Variants in PRRC2B observed in about 807,000 individuals in gnomAD.
PRRC2B encodes protein PRRC2B.
PRRC2B carries 68 observed loss-of-function variants against 242.3 expected under a neutral mutation model. The observed-to-expected ratio is 0.28, with a 90% CI of 0.23 to 0.34. The LOEUF (loss-of-function observed/expected upper bound fraction) is 0.34, where lower values mean the gene tolerates loss of function less well. Among genes scored for constraint, PRRC2B ranks in the 10% least tolerant of loss-of-function variants. The pLI, the probability that PRRC2B is intolerant of heterozygous loss-of-function variation, is 1.00. For missense variants in PRRC2B, 2,835 were observed against 2,954.8 expected, an observed-to-expected ratio of 0.96 and a Z score of 0.94; for synonymous variants, 1,228 against 1,173.6, an observed-to-expected ratio of 1.05 and a Z score of -0.95.
chr9:131,483,576 C>T, intron 23 of PRRC2B, 131 bp downstream of exon 23: 1 of 778,300 alleles, frequency 1.3e-6, no homozygotes, highest in South Asian at 1.5e-5. Context: ...GCTCCATGTC[C>T]TTAAAAGGTG....
At chr9:131,398,333 G>A (rs533751136) in intron 1 of PRRC2B, among the ~76,000 whole-genome samples, 31 of 152,358 alleles carry the variant, frequency 2.0e-4, no homozygotes, top group Non-Finnish European at 2.8e-4. Context: ...TTGGTTTTCT[G>A]TGTGACCTGA....
At chr9:131,462,264 G>A (rs933348618) in intron 11 of PRRC2B, among the ~76,000 whole-genome samples, 1 of 152,082 alleles carries the variant, frequency 6.6e-6, no homozygotes. Flanking sequence ...TCATGCTGGA[G>A]TGCAGTGGTG....
intron 1 of PRRC2B, among the ~76,000 whole-genome samples, chr9:131,382,742 T>C (rs11243383): frequency 0.13 from 19,808 of 151,484 alleles, 1,394 homozygotes; most frequent in Non-Finnish European, 0.15. Context: ...TCTCCCAAGC[T>C]CAAGCGAATC....
intron 2 of PRRC2B, 122 bp from the exon 3 acceptor site, chr9:131,432,494 GT>G: frequency 1.1e-6 from 1 of 936,766 alleles, no homozygotes; most frequent in Non-Finnish European, 1.6e-6. Context: ...TCTGCCCTTT[GT>G]TTTTTGTTGG....
intron 3 of PRRC2B, among the ~76,000 whole-genome samples, chr9:131,433,190 G>T (rs1189746092): frequency 6.6e-6 from 1 of 152,170 alleles, no homozygotes; most frequent in Non-Finnish European, 1.5e-5. Context: ...CTGGTGATGG[G>T]TGTCCCTGTG....
Position 131,378,432 on chromosome 9 carries a change from T to C in PRRC2B, c.-56+4701T>C, listed in dbSNP as rs1046355498. Among the ~76,000 whole-genome samples the C allele has an allele frequency of 3.1e-4, 47 of 151,792 alleles. 1 individual carries two copies. The highest frequency in any genetic ancestry group is 1.9e-3 in the Admixed American group (29 of 15,214). On this transcript the variant is annotated intron_variant, in intron 1 of 1. Transcript: ENST00000682525. ...TAGCTGGAGGGGGAATGACACACCA[T>C]TGGGGCCCAGGTGTGGAATCTAAAA...
At chr9:131,440,846 T>A (rs1490705731) in intron 5 of PRRC2B, among the ~76,000 whole-genome samples, 1 of 152,224 alleles carries the variant, frequency 6.6e-6, no homozygotes, top group Non-Finnish European at 1.5e-5. Flanking sequence ...ACACCTGTAA[T>A]CCCAGGACTT....
In PRRC2B at chr9:131,487,935, T is replaced by C. The variant is rs1421230132; in HGVS notation, c.6064T>C (p.Tyr2022His). ...TGGGGGCACAGCCTTGAAGCCTCCATACTCGGCGTTCCCAGGCATGCAGCC... is the reference window on the plus strand; with the variant it reads ...TGGGGGCACAGCCTTGAAGCCTCCACACTCGGCGTTCCCAGGCATGCAGCC... Reference protein sequence around the residue: ...LSGGTALKPPYSAFPGMQPLE... With the variant: ...LSGGTALKPPHSAFPGMQPLE... The change falls in exon 28 of 32, where the codon TAC (tyrosine) becomes CAC (histidine). Residue 2022 changes from tyrosine (Y) to histidine (H), a missense_variant. Physicochemically the swap from Tyr to His is moderately conservative, Grantham distance 83 (BLOSUM62 2). Transcript: ENST00000683519. The surrounding 1 kb of genome is among the most constrained non-coding windows in gnomAD (Gnocchi z 5.3). The C allele has an allele frequency of 6.2e-7, 1 of 1,613,790 alleles. No individual in the cohort carries two copies. Among genetic ancestry groups the C allele is most frequent in the Non-Finnish European group, 8.5e-7 (1 of 1,179,800 alleles).
intron 4 of PRRC2B, 37 bp downstream of exon 4, chr9:131,436,759 C>A: frequency 6.6e-7 from 1 of 1,521,700 alleles, no homozygotes; most frequent in Non-Finnish European, 9.1e-7. Flanking sequence ...GTTTCCTGGG[C>A]ATGGTAGCCC....
At chr9:131,416,642 A>G (rs1837663856) in intron 1 of PRRC2B, among the ~76,000 whole-genome samples, 2 of 150,264 alleles carry the variant, frequency 1.3e-5, no homozygotes, top group Non-Finnish European at 3.0e-5. Flanking sequence ...CCGTTCTAGG[A>G]TGCCACATTA....
intron 30 of PRRC2B, 101 bp downstream of exon 30, chr9:131,492,361 A>G: frequency 1.1e-6 from 1 of 873,380 alleles, no homozygotes; most frequent in East Asian, 2.5e-5. Flanking sequence ...GAGCCGCCAG[A>G]GACCTGGTCC....
intron 1 of PRRC2B, among the ~76,000 whole-genome samples, chr9:131,409,198 T>A (rs1428304247): frequency 1.3e-5 from 2 of 151,912 alleles, no homozygotes; most frequent in African/African-American, 4.8e-5. Flanking sequence ...AATTTTGTAT[T>A]TTTAATAGAG....
intron 1 of PRRC2B, among the ~76,000 whole-genome samples, chr9:131,414,817 G>T (rs1024699177): frequency 6.6e-6 from 1 of 151,854 alleles, no homozygotes; most frequent in Admixed American, 6.6e-5. Context: ...TGATCCACCC[G>T]CCTTGGCCTC....
chr9:131,456,351 G>A (rs1488733540), intron 10 of PRRC2B, among the ~76,000 whole-genome samples: 2 of 151,474 alleles, frequency 1.3e-5, no homozygotes, highest in Non-Finnish European at 2.9e-5. Flanking sequence ...CCCCACAATG[G>A]CCAGGCACGG....
chr9:131,470,004 G>T (rs1255995214), intron 13 of PRRC2B, among the ~76,000 whole-genome samples: 1 of 152,090 alleles, frequency 6.6e-6, no homozygotes, highest in Non-Finnish European at 1.5e-5. Flanking sequence ...TCGTCTGGGG[G>T]TTACGACAGG....
chr9:131,495,431 T>C (rs907742125), intron 31 of PRRC2B, among the ~76,000 whole-genome samples: 11 of 152,184 alleles, frequency 7.2e-5, no homozygotes, highest in Non-Finnish European at 1.3e-4. Flanking sequence ...GTTCTTCCAG[T>C]TGGCCTTGGG....
At chr9:131,495,392 TG>T (rs1178681034) in intron 31 of PRRC2B, among the ~76,000 whole-genome samples, 1 of 152,084 alleles carries the variant, frequency 6.6e-6, no homozygotes, top group African/African-American at 2.4e-5. Flanking sequence ...TTTTTGCCTG[TG>T]GGGCAGGAGG....
chr9:131,430,873 G>A (rs1297056810), intron 2 of PRRC2B, among the ~76,000 whole-genome samples: 3 of 151,708 alleles, frequency 2.0e-5, no homozygotes, highest in Non-Finnish European at 4.4e-5. Flanking sequence ...GATTACAGGT[G>A]TGAGCCACTG....
Position 131,444,200 on chromosome 9 carries a change from G to A in PRRC2B, c.485G>A (p.Ser162Asn). Residue 162 changes from serine (S) to asparagine (N), a missense_variant, in exon 6 of 32, where the codon AGC becomes AAC. Physicochemically the swap from Ser to Asn is conservative, Grantham distance 46. Around this residue, in one of 7 missense-constraint regions of PRRC2B, gnomAD observed 626 missense variants for 685.5 expected, o/e 0.91. Transcript: ENST00000683519. ...TTCTTGACAGGTTTAAGGGGCTCAA[G>A]CCGACTGTTATCCTTCTCTCCCGAG... ...VGHEGGLRGS[S>N]RLLSFSPEEF... is the part of the protein sequence containing the mutation. The A allele has an allele frequency of 6.2e-7, 1 of 1,614,030 alleles. No homozygotes were observed. The highest frequency in any genetic ancestry group is 8.5e-7 in the Non-Finnish European group (1 of 1,179,898).
Sources: allele counts gnomAD v4.1 joint callset (sites outside exome capture counted in the v4.1 genomes callset), GRCh38; gene constraint gnomAD v4.1.1; regional missense constraint gnomAD v4.1.1; non-coding constraint Gnocchi (gnomAD v3.1); transcripts MANE v1.5; gene names NCBI Gene and HGNC (gene_info 2026-07-23, HGNC 2026-07-21).